The following SLCO1A2 variants were observed in gnomAD, a reference collection of about 807,000 sequenced individuals.
SLCO1A2 encodes the protein OATP-1.
SLCO1A2 carries 67 observed loss-of-function variants against 69.0 expected under a neutral mutation model. The observed-to-expected ratio is 0.97, with a 90% CI of 0.80 to 1.19. The LOEUF is 1.19. Among genes scored for constraint, SLCO1A2 ranks in the 50% most tolerant of loss-of-function variants. SLCO1A2 has a pLI of 0.00. For synonymous variants in SLCO1A2, 260 were observed against 265.9 expected, an observed-to-expected ratio of 0.98 and a Z score of 0.22; for missense variants, 787 against 793.7, an observed-to-expected ratio of 0.99 and a Z score of 0.10.
chr12:21,402,414 A>G (rs1463769873), intron 1 of SLCO1A2, among the ~76,000 whole-genome samples: 27 of 152,142 alleles, frequency 1.8e-4, no homozygotes, highest in Admixed American at 1.8e-3. Flanking sequence ...TCTTTTTATA[A>G]AAGATGCTAA....
intron 1 of SLCO1A2, among the ~76,000 whole-genome samples, chr12:21,401,492 A>G (rs184681814): frequency 4.6e-5 from 7 of 151,830 alleles, no homozygotes; most frequent in Non-Finnish European, 1.0e-4. Context: ...GGACCAAAAA[A>G]CCTCCATAAT....
intron 2 of SLCO1A2, among the ~76,000 whole-genome samples, chr12:21,330,296 C>T (rs1160134382): frequency 6.6e-6 from 1 of 151,906 alleles, no homozygotes; most frequent in Non-Finnish European, 1.5e-5. Context: ...TGTTCGAGAC[C>T]AGCCTGGGCA....
rs1475301468 is a variant in SLCO1A2 at position 21,265,913 on chromosome 12, AAC to A, written c.*3633_*3634del. The A allele has an allele frequency of 1.3e-5, 2 of 152,098 alleles. No individual in the cohort carries two copies. The highest frequency in any genetic ancestry group is 2.4e-5 in the African/African-American group (1 of 41,414). 9.4% of individuals were successfully genotyped at this position (152,098 alleles called of 1,614,324 possible). A position where few individuals can be genotyped will look rare whatever the true frequency, so the allele number is the denominator to read the frequency against. ...TCTTATATAGAAATCATACTCTTTT[AAC>A]ATCTACAACCTCTTCTACCAGGAGC... is the stretch of plus-strand genomic sequence containing the variant. On this transcript the variant is annotated 3_prime_UTR_variant, in exon 15 of 15. Transcript: ENST00000683939.
intron 12 of SLCO1A2, among the ~76,000 whole-genome samples, chr12:21,280,544 T>C (rs1336507644): frequency 6.6e-6 from 1 of 152,042 alleles, no homozygotes; most frequent in African/African-American, 2.4e-5. Flanking sequence ...GTTATAAATA[T>C]GTATTCACCC....
intron 1 of SLCO1A2, among the ~76,000 whole-genome samples, chr12:21,406,216 G>C (rs185500514): frequency 2.6e-5 from 4 of 152,222 alleles, no homozygotes; most frequent in African/African-American, 9.6e-5. Flanking sequence ...GCATGCACGC[G>C]CAACACTTGG....
chr12:21,402,962 A>G (rs1366973112), intron 1 of SLCO1A2, among the ~76,000 whole-genome samples: 1 of 151,890 alleles, frequency 6.6e-6, no homozygotes, highest in Non-Finnish European at 1.5e-5. Context: ...GTGTGTAGAT[A>G]TGTATGTTAT....
At chr12:21,290,828 A>ATT (rs898690391) in intron 12 of SLCO1A2, among the ~76,000 whole-genome samples, 5 of 152,194 alleles carry the variant, frequency 3.3e-5, no homozygotes, top group Non-Finnish European at 5.9e-5. Flanking sequence ...GTACAACAAA[A>ATT]TTTAGGATTT....
chr12:21,392,504 A>G (rs1941211313), intron 1 of SLCO1A2, among the ~76,000 whole-genome samples: 1 of 152,220 alleles, frequency 6.6e-6, no homozygotes, highest in Non-Finnish European at 1.5e-5. Flanking sequence ...ACTTAAAGTC[A>G]TGCTCACTAG....
intron 9 of SLCO1A2, among the ~76,000 whole-genome samples, chr12:21,296,033 C>T (rs973895028): frequency 6.6e-6 from 1 of 152,122 alleles, no homozygotes; most frequent in African/African-American, 2.4e-5. Flanking sequence ...TCATTTAACT[C>T]ATTGCAGTAG....
upstream of SLCO1A2, chr12:21,395,512 G>C (rs1028478350): frequency 6.5e-6 from 1 of 153,470 alleles, no homozygotes; most frequent in Non-Finnish European, 1.4e-5. Flanking sequence ...GAACTGGGTG[G>C]AGCCCACCAC....
At chr12:21,412,538 T>C (rs1009726249) in intron 1 of SLCO1A2, among the ~76,000 whole-genome samples, 2 of 152,226 alleles carry the variant, frequency 1.3e-5, no homozygotes, top group African/African-American at 4.8e-5. Flanking sequence ...ATGTGATTAA[T>C]TGCACTTATG....
upstream of SLCO1A2, among the ~76,000 whole-genome samples, chr12:21,396,011 A>C (rs1409078111): frequency 6.6e-6 from 1 of 151,386 alleles, no homozygotes; most frequent in Non-Finnish European, 1.5e-5. Context: ...CAACGGAACA[A>C]AGCTGGATGG....
At position 21,376,938 on chromosome 12, in the gene SLCO1A2, C is replaced by G. The variant is rs545406538; in HGVS notation, c.-189-2413G>C. On this transcript the variant is annotated intron_variant, in intron 1 of 15. Coordinates refer to the SLCO1A2 transcript ENST00000307378. ...TTTCTCTAACTTTCCTAATAATCAG[C>G]AAAGAGGAAGCAATGTTATTATTCT... Among the ~76,000 whole-genome samples, 492 of 152,068 alleles carry G rather than the reference C, an allele frequency of 3.2e-3. 6 individuals carry two copies. Among genetic ancestry groups the G allele is most frequent in the African/African-American group, 0.011 (469 of 41,508 alleles).
intron 3 of SLCO1A2, among the ~76,000 whole-genome samples, chr12:21,317,962 G>A (rs1951089383): frequency 6.6e-6 from 1 of 152,030 alleles, no homozygotes; most frequent in South Asian, 2.1e-4. Flanking sequence ...CCTCTGAAAT[G>A]AATTCAGAGA....
Position 21,269,412 on chromosome 12 carries a change from T to G in SLCO1A2, c.*136A>C. 1.7e-6 allele frequency: 1 copy of G among 583,942 alleles called. No individual in the cohort carries two copies. The highest frequency in any genetic ancestry group is 2.9e-6 in the Non-Finnish European group (1 of 346,622). 36.2% of individuals were successfully genotyped at this position (583,942 alleles called of 1,614,324 possible). A position where few individuals can be genotyped will look rare whatever the true frequency, so the allele number is the denominator to read the frequency against. On this transcript the variant is annotated 3_prime_UTR_variant, in exon 15 of 15. Coordinates refer to ENST00000683939, the MANE Select transcript of SLCO1A2 (RefSeq NM_001386879.1). Reference sequence around the variant, plus strand: ...TTAGAAATATCATTAGTGAACATTTTATTATTTTGAGTTAAGAGGTTTTTT... The same window carrying G: ...TTAGAAATATCATTAGTGAACATTTGATTATTTTGAGTTAAGAGGTTTTTT...
chr12:21,318,654 A>T, intron 3 of SLCO1A2, 128 bp downstream of exon 3: 1 of 663,666 alleles, frequency 1.5e-6, no homozygotes, highest in Non-Finnish European at 2.4e-6. Context: ...CTAATCAGTT[A>T]GTTTTAGAAA....
chr12:21,359,335 A>G (rs1215088472), intron 2 of SLCO1A2, among the ~76,000 whole-genome samples: 2 of 152,282 alleles, frequency 1.3e-5, no homozygotes, highest in African/African-American at 4.8e-5. Flanking sequence ...AAAAACAGGG[A>G]AAATCAACTA....
Position 21,393,731 on chromosome 12 carries a change from A to G in SLCO1A2, c.-190+1175T>C, listed in dbSNP as rs376227931. Among the ~76,000 whole-genome samples the G allele has an allele frequency of 2.0e-5, 3 of 152,334 alleles. 1 individual carries two copies. Among genetic ancestry groups the G allele is most frequent in the African/African-American group, 7.2e-5 (3 of 41,584 alleles). On this transcript the variant is annotated intron_variant, in intron 1 of 15. Transcript: ENST00000307378. Reference sequence around the variant, plus strand: ...CAATCTAGATAAAATTGTAAGGTATATATCTCAGAAATTGGCAAAATGAAA... The same window carrying G: ...CAATCTAGATAAAATTGTAAGGTATGTATCTCAGAAATTGGCAAAATGAAA...
intron 1 of SLCO1A2, among the ~76,000 whole-genome samples, chr12:21,408,713 CGTGTGTGTGTGTGTGTGTGTGT>C (rs3060712): frequency 0.16 from 23,943 of 150,240 alleles, 2,094 homozygotes; most frequent in East Asian, 0.38. Flanking sequence ...TCAGCGCATG[CGTGTGTGTGTGTGTGTGTGTGT>C]GTGTGTGTGT....
Sources: allele counts gnomAD v4.1 joint callset (sites outside exome capture counted in the v4.1 genomes callset), GRCh38; gene constraint gnomAD v4.1.1; transcripts MANE v1.5; gene names NCBI Gene and HGNC (gene_info 2026-07-23, HGNC 2026-07-21).